KIF21A: variants seen among roughly 807,000 people sequenced by gnomAD.
KIF21A encodes the protein kinesin-like protein KIF21A.
Under a neutral mutation model 202.9 loss-of-function variants are expected in KIF21A, and 114 were observed. The observed-to-expected ratio is 0.56, with a 90% confidence interval of 0.48 to 0.66. The LOEUF is 0.66. Ranked by LOEUF, KIF21A falls within the 30% of genes least tolerant of loss-of-function variation. The pLI is 0.00. For synonymous variants in KIF21A, 667 were observed against 670.8 expected, an observed-to-expected ratio of 0.99 and a Z score of 0.09; for missense variants, 1,677 against 1,994.9, an observed-to-expected ratio of 0.84 and a Z score of 3.04.
intron 12 of KIF21A, among the ~76,000 whole-genome samples, chr12:39,343,853 T>G (rs1026016870): frequency 6.6e-6 from 1 of 152,204 alleles, no homozygotes; most frequent in South Asian, 2.1e-4. Context: ...AGTAAGTGTT[T>G]GTTAAATAAA....
intron 1 of KIF21A, among the ~76,000 whole-genome samples, chr12:39,409,381 TAAAAAAACAA>T (rs1952886543): frequency 7.1e-6 from 1 of 141,310 alleles, no homozygotes; most frequent in Non-Finnish European, 1.5e-5. Flanking sequence ...AAATAAAAAT[TAAAAAAACAA>T]AAAAAAAGAA....
rs376700807 is a variant in KIF21A at position 39,402,069 on chromosome 12, C to G, written c.45-31808G>C. ...AAAATCAAACAAAACTGTGGCCTAT[C>G]AAAACTGTATATTTGGACATTCTGG... On this transcript the variant is annotated intron_variant, in intron 1 of 37. Transcript: ENST00000361418. Among the ~76,000 whole-genome samples, 333 of 152,198 alleles carry G rather than the reference C, an allele frequency of 2.2e-3. 4 individuals carry two copies. Among genetic ancestry groups the G allele is most frequent in the African/African-American group, 7.7e-3 (320 of 41,534 alleles).
At chr12:39,378,729 A>G (rs1045156994) in intron 1 of KIF21A, among the ~76,000 whole-genome samples, 7 of 152,206 alleles carry the variant, frequency 4.6e-5, no homozygotes, top group African/African-American at 1.7e-4. Context: ...TTTTAAATAA[A>G]AACAAAAACT....
At chr12:39,390,407 G>A (rs548604578) in intron 1 of KIF21A, among the ~76,000 whole-genome samples, 2 of 152,182 alleles carry the variant, frequency 1.3e-5, no homozygotes, top group African/African-American at 2.4e-5. Context: ...TCAAGTTTAC[G>A]AGGAAAAGTA....
intron 37 of KIF21A, among the ~76,000 whole-genome samples, chr12:39,295,188 A>T (rs564031012): frequency 1.3e-5 from 2 of 152,246 alleles, no homozygotes; most frequent in Admixed American, 1.3e-4. Flanking sequence ...CCCTGTAAAT[A>T]TACACAGTTA....
chr12:39,432,866 C>T (rs907832618), intron 1 of KIF21A, among the ~76,000 whole-genome samples: 1 of 152,140 alleles, frequency 6.6e-6, no homozygotes, highest in African/African-American at 2.4e-5. Flanking sequence ...CCACCTCAGC[C>T]TCCCAAAGTG....
chr12:39,304,959 A>C, intron 34 of KIF21A, 21 bp from the exon 35 acceptor site: 1 of 1,190,986 alleles, frequency 8.4e-7, no homozygotes, highest in Non-Finnish European at 1.2e-6. Flanking sequence ...AAAGAAAAAT[A>C]GTTTTGTTTA....
intron 11 of KIF21A, among the ~76,000 whole-genome samples, chr12:39,347,686 A>G (rs1948017724): frequency 6.6e-6 from 1 of 152,040 alleles, no homozygotes; most frequent in Admixed American, 6.6e-5. Flanking sequence ...GAAAAAGTCT[A>G]CAAATATATA....
chr12:39,425,237 A>T (rs1482162871), intron 1 of KIF21A, among the ~76,000 whole-genome samples: 5 of 151,566 alleles, frequency 3.3e-5, no homozygotes, highest in Non-Finnish European at 7.4e-5. Context: ...ATCTGGATTT[A>T]AAAAAAAATA....
chr12:39,341,560 A>G lies in KIF21A; in HGVS notation c.1866T>C (p.Asp622=). Residue 622 remains aspartate (D), a synonymous_variant, in exon 14 of 38, where the codon GAT becomes GAC. Transcript: ENST00000361418. ...DEEEEEEEEE[D]DIDGGESSDE... The stretch of plus-strand genomic sequence containing the variant: ...CAGAACTTTCACCCCCATCAATGTC[A>G]TCTTCCTCCTCCTCCTCCTCCTCTT... The G allele has an allele frequency of 6.2e-7, 1 of 1,611,290 alleles. No homozygotes were observed. The highest frequency in any genetic ancestry group is 8.5e-7 in the Non-Finnish European group (1 of 1,177,948).
chr12:39,390,336 G>A (rs1951255159), intron 1 of KIF21A, among the ~76,000 whole-genome samples: 1 of 152,076 alleles, frequency 6.6e-6, no homozygotes, highest in South Asian at 2.1e-4. Context: ...TTAATGGAAG[G>A]AGAAAATTCT....
At chr12:39,334,590 C>A (rs1946803642) in intron 17 of KIF21A, among the ~76,000 whole-genome samples, 1 of 152,128 alleles carries the variant, frequency 6.6e-6, no homozygotes, top group South Asian at 2.1e-4. Context: ...CATATAGTTT[C>A]AAACTTGTTA....
chr12:39,435,131 T>C (rs1268763095), intron 1 of KIF21A, among the ~76,000 whole-genome samples: 1 of 152,148 alleles, frequency 6.6e-6, no homozygotes, highest in Non-Finnish European at 1.5e-5. Context: ...GGTGGGTCCA[T>C]TCCATAACTA....
chr12:39,398,791 T>C (rs767515979), intron 1 of KIF21A, among the ~76,000 whole-genome samples: 4 of 152,136 alleles, frequency 2.6e-5, no homozygotes, highest in Admixed American at 6.5e-5. Context: ...ATAAGATGCA[T>C]TGAGTATAAA....
At chr12:39,359,861 T>C (rs1321347518) in intron 7 of KIF21A, among the ~76,000 whole-genome samples, 4 of 152,328 alleles carry the variant, frequency 2.6e-5, no homozygotes, top group Non-Finnish European at 4.4e-5. Context: ...CTTTAGAAAC[T>C]TCCACAACAC....
At chr12:39,381,750 T>C (rs1212667368) in intron 1 of KIF21A, among the ~76,000 whole-genome samples, 3 of 152,206 alleles carry the variant, frequency 2.0e-5, no homozygotes, top group Non-Finnish European at 4.4e-5. Context: ...GCCCCATAAG[T>C]GTGGTGGAAC....
At chr12:39,316,898 G>C (rs1279507168) in intron 29 of KIF21A, among the ~76,000 whole-genome samples, 1 of 152,136 alleles carries the variant, frequency 6.6e-6, no homozygotes, top group African/African-American at 2.4e-5. Context: ...ACTGTGATTA[G>C]GTTGTCAAGA....
chr12:39,436,205 C>T (rs1452099371), intron 1 of KIF21A, among the ~76,000 whole-genome samples: 1 of 151,640 alleles, frequency 6.6e-6, no homozygotes, highest in Non-Finnish European at 1.5e-5. Flanking sequence ...ATTATTTCTT[C>T]GATGTATGTT....
At chr12:39,393,079 T>C (rs1476412025) in intron 1 of KIF21A, among the ~76,000 whole-genome samples, 4 of 151,268 alleles carry the variant, frequency 2.6e-5, no homozygotes, top group Admixed American at 2.6e-4. Flanking sequence ...AATTGCTGTG[T>C]AGGGAACCCA....
Sources: allele counts gnomAD v4.1 joint callset (sites outside exome capture counted in the v4.1 genomes callset), GRCh38; gene constraint gnomAD v4.1.1; transcripts MANE v1.5; gene names NCBI Gene and HGNC (gene_info 2026-07-23, HGNC 2026-07-21).